SCN8A: variants seen among roughly 807,000 people sequenced by gnomAD.
SCN8A encodes the protein sodium voltage-gated channel alpha subunit 8, also known as sodium channel protein type 8 subunit alpha.
SCN8A carries 30 observed loss-of-function variants against 184.1 expected under a neutral mutation model. That is an observed-to-expected ratio of 0.16 (90% CI 0.12 to 0.22). SCN8A has a LOEUF of 0.22. Among genes scored for constraint, SCN8A ranks in the 10% least tolerant of loss-of-function variants. SCN8A has a pLI of 1.00. For missense variants in SCN8A, 1,057 were observed against 2,498.9 expected (o/e 0.42, Z 12.30); for synonymous variants, 852 against 907.0 (o/e 0.94, Z 1.09).
At chr12:51,669,531 T>C (rs887425178) in intron 2 of SCN8A, among the ~76,000 whole-genome samples, 3 of 152,228 alleles carry the variant, frequency 2.0e-5, no homozygotes, top group African/African-American at 7.2e-5. Context: ...CTCTGTCTTT[T>C]AGTTTTACCT....
At chr12:51,721,464 C>G in intron 11 of SCN8A, 82 bp from the exon 12 acceptor site, 1 of 1,427,878 alleles carries the variant, frequency 7.0e-7, no homozygotes, top group Non-Finnish European at 9.3e-7. Flanking sequence ...CGGCTGGGAA[C>G]CTAACCACTT....
rs1377506460 is a variant in SCN8A at position 51,789,184 on chromosome 12, T to C, written c.4282-97T>C. ...TAGGGCTCTCCCACCCCAAGATGTT[T>C]AGCAGCTCAAATGGTCACAGTTACG... On this transcript the variant is annotated intron_variant, in intron 23 of 26. Coordinates refer to ENST00000627620, the MANE Select transcript of SCN8A (RefSeq NM_001330260.2). 19 of 1,330,972 alleles carry C rather than the reference T, an allele frequency of 1.4e-5. No homozygotes were observed. The Admixed American group carries it at 3.6e-4, about 25-fold the overall frequency. The allele number at this position is 1,330,972 out of a possible 1,614,324, so 82.4% of individuals were successfully genotyped here.
intron 23 of SCN8A, 56 bp from the exon 24 acceptor site, chr12:51,789,225 G>A (rs185877656): frequency 6.1e-5 from 98 of 1,597,708 alleles, no homozygotes; most frequent in African/African-American, 4.0e-4. Context: ...TGGCCTTGGC[G>A]TGTCAAACTC....
At position 51,662,824 on chromosome 12, in the gene SCN8A, G is replaced by A; in HGVS notation, c.7G>A (p.Ala3Thr). The A allele has an allele frequency of 6.2e-7, 1 of 1,613,730 alleles. No homozygotes were observed. Among genetic ancestry groups the A allele is most frequent in the Non-Finnish European group, 8.5e-7 (1 of 1,179,762 alleles). The change falls in exon 2 of 27, where the codon GCG (alanine) becomes ACG (threonine). Residue 3 changes from alanine to threonine, a missense_variant. By Grantham distance (58) the Ala-to-Thr change is moderately conservative. Coordinates refer to ENST00000627620, the MANE Select transcript of SCN8A (RefSeq NM_001330260.2). Reference sequence around the variant, plus strand: ...GCTGCTGCAGGATGAGAAGATGGCAGCGCGGCTGCTTGCACCACCAGGCCC... The same window carrying A: ...GCTGCTGCAGGATGAGAAGATGGCAACGCGGCTGCTTGCACCACCAGGCCC... MA[A>T]RLLAPPGPDS...
At chr12:51,648,276 C>T (rs1215886222) in intron 1 of SCN8A, among the ~76,000 whole-genome samples, 1 of 152,190 alleles carries the variant, frequency 6.6e-6, no homozygotes, top group Non-Finnish European at 1.5e-5. Context: ...GACCATGGCA[C>T]ACTGAGGTCT....
chr12:51,788,828 A>C, intron 23 of SCN8A, 80 bp downstream of exon 23: 1 of 1,176,176 alleles, frequency 8.5e-7, no homozygotes, highest in Non-Finnish European at 1.2e-6. Flanking sequence ...CCCACCAAGA[A>C]AGAGGAAGGG....
intron 12 of SCN8A, among the ~76,000 whole-genome samples, chr12:51,732,580 A>G (rs1942261004): frequency 6.6e-6 from 1 of 152,134 alleles, no homozygotes; most frequent in South Asian, 2.1e-4. Context: ...TATAAATTTT[A>G]GGATTTTTTT....
At chr12:51,674,096 T>A (rs1474206640) in intron 2 of SCN8A, among the ~76,000 whole-genome samples, 1 of 152,144 alleles carries the variant, frequency 6.6e-6, no homozygotes, top group African/African-American at 2.4e-5. Context: ...TAGAGTGTGG[T>A]TTGGTAAGAC....
chr12:51,807,358 C>T lies in SCN8A; in HGVS notation c.5872C>T (p.Gln1958Ter), dbSNP rs1555231189. The T allele has an allele frequency of 6.2e-7, 1 of 1,613,690 alleles. No individual in the cohort carries two copies. Among genetic ancestry groups the T allele is most frequent in the Non-Finnish European group, 8.5e-7 (1 of 1,179,772 alleles). Residue 1958 changes from glutamine (Q) to a stop codon, truncating the protein, a stop_gained, in exon 27 of 27, where the codon CAG becomes TAG. Transcript: ENST00000627620. LOFTEE classifies it high-confidence loss of function. The surrounding 1 kb of genome is among the most constrained non-coding windows in gnomAD (Gnocchi z 4.5). The stretch of plus-strand genomic sequence containing the variant: ...TGTAACTAAACCTGAAAAGGAGAAA[C>T]AGCAGCGGGCAGAGGAAGGAAGAAG... ...DSVTKPEKEK[Q>*]QRAEEGRRER... is the part of the protein sequence containing the mutation.
rs1942066053 is a variant in SCN8A at position 51,721,706 on chromosome 12, A to C, written c.1796A>C (p.Asp599Ala). ...STVEESEGRR[D>A]SLFIPIRARE... ...GTGGAGGAGAGCGAGGGCCGCCGGG[A>C]CTCCCTCTTCATCCCCATCCGGGCC... The change falls in exon 12 of 27, where the codon GAC becomes GCC. Residue 599 changes from aspartate (D) to alanine (A), a missense_variant. Physicochemically the swap from Asp to Ala is moderately radical, Grantham distance 126 (BLOSUM62 -2). Around this residue, in one of 19 missense-constraint regions of SCN8A, gnomAD observed 322 missense variants for 390.1 expected, o/e 0.83. Coordinates refer to ENST00000627620, the MANE Select transcript of SCN8A (RefSeq NM_001330260.2). The C allele has an allele frequency of 6.3e-7, 1 of 1,589,892 alleles. No individual in the cohort carries two copies. Among genetic ancestry groups the C allele is most frequent in the African/African-American group, 1.3e-5 (1 of 74,142 alleles).
chr12:51,703,200 A>C (rs554467987), intron 9 of SCN8A, among the ~76,000 whole-genome samples: 2 of 151,722 alleles, frequency 1.3e-5, no homozygotes, highest in Non-Finnish European at 2.9e-5. Context: ...CCTCTGCAGC[A>C]TATCTCCTTT....
intron 12 of SCN8A, among the ~76,000 whole-genome samples, chr12:51,724,173 C>T (rs770068367): frequency 3.9e-5 from 6 of 152,098 alleles, no homozygotes; most frequent in South Asian, 2.1e-4. Context: ...GGGCCGGGCA[C>T]GGTGGCTCAT....
chr12:51,779,219 CAAAAAAA>C (rs35152992), intron 20 of SCN8A, among the ~76,000 whole-genome samples: 4 of 125,184 alleles, frequency 3.2e-5, no homozygotes, highest in African/African-American at 6.4e-5. Context: ...GACTTTGTCT[CAAAAAAA>C]AAAAAAAAAA....
chr12:51,779,454 G>A (rs759932820), intron 20 of SCN8A, among the ~76,000 whole-genome samples: 36 of 152,266 alleles, frequency 2.4e-4, no homozygotes, highest in Admixed American at 1.6e-3. Flanking sequence ...TTGACCATAC[G>A]TCTAAGCCTG....
At chr12:51,802,885 C>G (rs1938594959) in intron 26 of SCN8A, among the ~76,000 whole-genome samples, 1 of 152,204 alleles carries the variant, frequency 6.6e-6, no homozygotes. Context: ...GAGTCCTTAG[C>G]ATTTTTGGGT....
intron 16 of SCN8A, among the ~76,000 whole-genome samples, chr12:51,767,422 T>C (rs1416491506): frequency 6.6e-6 from 1 of 152,162 alleles, no homozygotes; most frequent in Non-Finnish European, 1.5e-5. Context: ...AACTTTGGAG[T>C]ATTTTCTGTC....
At chr12:51,638,301 A>T (rs1381941593) in intron 1 of SCN8A, among the ~76,000 whole-genome samples, 1 of 152,222 alleles carries the variant, frequency 6.6e-6, no homozygotes, top group Non-Finnish European at 1.5e-5. Flanking sequence ...CTTTCAAGTC[A>T]TTAGTTTAAA....
intron 10 of SCN8A, 92 bp downstream of exon 10, chr12:51,705,715 C>A: frequency 2.6e-6 from 3 of 1,167,472 alleles, no homozygotes; most frequent in South Asian, 1.6e-5. Flanking sequence ...CTTTTCTAGG[C>A]ATATTTTCAA....
At chr12:51,723,674 G>T (rs528813178) in intron 12 of SCN8A, among the ~76,000 whole-genome samples, 20 of 152,210 alleles carry the variant, frequency 1.3e-4, no homozygotes, top group African/African-American at 4.6e-4. Context: ...CCAGGAGTTC[G>T]AGACAAGCCT....
Sources: gnomAD v4.1 joint callset for allele counts (sites outside exome capture counted in the v4.1 genomes callset) on GRCh38, gnomAD v4.1.1 for gene constraint, gnomAD v4.1.1 regional missense constraint, Gnocchi (gnomAD v3.1) non-coding constraint, MANE v1.5 for transcripts, NCBI Gene and HGNC (gene_info 2026-07-23, HGNC 2026-07-21) for gene names.